Variants in KCNJ3 observed in about 807,000 individuals in gnomAD.
The protein encoded by KCNJ3 is potassium inwardly rectifying channel subfamily J member 3.
A neutral mutation model predicts 39.2 loss-of-function variants in KCNJ3; 4 were observed. The ratio of observed to expected loss-of-function variants is 0.10; its 90% CI spans 0.05 to 0.23. The LOEUF is 0.23. KCNJ3 is among the 10% of genes least tolerant of loss of function. KCNJ3 has a pLI of 1.00. For synonymous variants in KCNJ3, 230 were observed against 237.4 expected, an observed-to-expected ratio of 0.97 and a Z score of 0.29; for missense variants, 276 against 634.9, an observed-to-expected ratio of 0.43 and a Z score of 6.08.
At chr2:154,788,915 G>T (rs1172925530) in intron 2 of KCNJ3, among the ~76,000 whole-genome samples, 1 of 152,042 alleles carries the variant, frequency 6.6e-6, no homozygotes, top group Non-Finnish European at 1.5e-5. Context: ...ATTTGCCTCA[G>T]TGTGACTATG....
rs186066420 is a variant in KCNJ3, at chr2:154,796,143, G to A, written c.920-58584G>A. 3.5e-3 allele frequency among the ~76,000 whole-genome samples: 525 copies of A among 152,152 alleles called. 2 individuals carry two copies. Among genetic ancestry groups the A allele is most frequent in the Middle Eastern group, 6.8e-3 (2 of 294 alleles). On this transcript the variant is annotated intron_variant, in intron 2 of 2. Transcript: ENST00000295101. ...AGGTTGGGATGCAGTGCTAAATTCC[G>A]TAATCGTGTGAGGTTATCTGAGGAA...
chr2:154,841,688 A>AT (rs200828082), intron 2 of KCNJ3, among the ~76,000 whole-genome samples: 25 of 150,092 alleles, frequency 1.7e-4, no homozygotes, highest in Middle Eastern at 3.5e-3. Context: ...GAATTTATCC[A>AT]TTTTTTTTTC....
chr2:154,755,376 G>A (rs1685919803), intron 2 of KCNJ3, among the ~76,000 whole-genome samples: 1 of 151,352 alleles, frequency 6.6e-6, no homozygotes, highest in Non-Finnish European at 1.5e-5. Context: ...TTTTCATTTG[G>A]ATAAGTTTTG....
At chr2:154,753,658 G>A (rs917199533) in intron 2 of KCNJ3, among the ~76,000 whole-genome samples, 4 of 152,080 alleles carry the variant, frequency 2.6e-5, no homozygotes, top group Non-Finnish European at 5.9e-5. Flanking sequence ...TGACAACTCT[G>A]AAAGAATGGA....
chr2:154,724,491 C>G (rs1167341233), intron 2 of KCNJ3, among the ~76,000 whole-genome samples: 1 of 151,984 alleles, frequency 6.6e-6, no homozygotes, highest in Non-Finnish European at 1.5e-5. Context: ...CGAGAATTTT[C>G]TTTTGATGTG....
At chr2:154,777,253 G>A (rs2105200476) in intron 2 of KCNJ3, among the ~76,000 whole-genome samples, 1 of 152,268 alleles carries the variant, frequency 6.6e-6, no homozygotes, top group South Asian at 2.1e-4. Context: ...TTATTTTCCT[G>A]TGACTACAGT....
chr2:154,849,034 A>C (rs868456287), intron 2 of KCNJ3, among the ~76,000 whole-genome samples: 3 of 152,266 alleles, frequency 2.0e-5, no homozygotes, highest in Middle Eastern at 3.4e-3. Context: ...TTGCCTACAC[A>C]GTACTACTTG....
intron 2 of KCNJ3, among the ~76,000 whole-genome samples, chr2:154,737,030 A>G (rs1685560590): frequency 6.6e-6 from 1 of 152,184 alleles, no homozygotes; most frequent in African/African-American, 2.4e-5. Flanking sequence ...AACTCTGGAC[A>G]TCTACAAAGA....
At chr2:154,849,774 T>C (rs1309196409) in intron 2 of KCNJ3, among the ~76,000 whole-genome samples, 6 of 152,188 alleles carry the variant, frequency 3.9e-5, no homozygotes, top group African/African-American at 1.4e-4. Context: ...TCATTTTCAC[T>C]TTAAAACCTT....
intron 2 of KCNJ3, among the ~76,000 whole-genome samples, chr2:154,760,348 A>T (rs768921704): frequency 2.6e-5 from 4 of 152,082 alleles, no homozygotes; most frequent in Non-Finnish European, 4.4e-5. Context: ...CTTTTATGAG[A>T]TATGTGTGTT....
intron 2 of KCNJ3, among the ~76,000 whole-genome samples, chr2:154,850,481 C>T (rs979416027): frequency 6.6e-6 from 1 of 152,030 alleles, no homozygotes; most frequent in Admixed American, 6.6e-5. Context: ...AAAAGAAGTA[C>T]TCTCTCAATT....
In KCNJ3 at chr2:154,790,527, C is replaced by T. The variant is rs553282717; in HGVS notation, c.920-64200C>T. ...GGGTATGTTGATAGGATGATAGATA[C>T]ACTAATGCTTAGCTACGTTGCATGT... On this transcript the variant is annotated intron_variant, in intron 2 of 2. Transcript: ENST00000295101. Among the ~76,000 whole-genome samples the T allele has an allele frequency of 1.3e-3, 192 of 152,220 alleles. 1 individual carries two copies. Among genetic ancestry groups the T allele is most frequent in the African/African-American group, 4.5e-3 (185 of 41,558 alleles).
intron 2 of KCNJ3, among the ~76,000 whole-genome samples, chr2:154,806,830 A>T (rs955982741): frequency 6.6e-6 from 1 of 152,176 alleles, no homozygotes; most frequent in Non-Finnish European, 1.5e-5. Flanking sequence ...TACCTTAAAA[A>T]GACACGTAAC....
intron 2 of KCNJ3, among the ~76,000 whole-genome samples, chr2:154,747,487 C>A (rs958958996): frequency 6.6e-6 from 1 of 151,376 alleles, no homozygotes; most frequent in East Asian, 1.9e-4. Context: ...TAGTGTGGAC[C>A]CATTAAGGAA....
At position 154,847,708 on chromosome 2, in the gene KCNJ3, T is replaced by C. The variant is rs80317868; in HGVS notation, c.920-7019T>C. Among the ~76,000 whole-genome samples, 37 of 152,328 alleles carry C rather than the reference T, an allele frequency of 2.4e-4. No homozygotes were observed. In the East Asian group the frequency reaches 6.6e-3, roughly 27 times the overall value. ...GTGCATGTAGTTTACATATGTCACT[T>C]AATTTCATTTAATTCTCACAATCTT... On this transcript the variant is annotated intron_variant, in intron 2 of 2. Transcript: ENST00000295101.
chr2:154,781,025 C>G lies in KCNJ3; in HGVS notation c.919+71206C>G, dbSNP rs114701470. 4.4e-3 allele frequency among the ~76,000 whole-genome samples: 675 copies of G among 152,208 alleles called. 7 individuals are homozygous for G. The highest frequency in any genetic ancestry group is 0.015 in the African/African-American group (642 of 41,534). On this transcript the variant is annotated intron_variant, in intron 2 of 2. Transcript: ENST00000295101. ...GGCTTTCACTGTAATCGCAGTTGGT[C>G]CTTAAATGAGGACGAGAAAGGCAAG...
At chr2:154,821,635 A>ATTTTTTTTTTTTTT (rs71422263) in intron 2 of KCNJ3, among the ~76,000 whole-genome samples, 4 of 88,080 alleles carry the variant, frequency 4.5e-5, no homozygotes, top group Non-Finnish European at 6.2e-5. Context: ...AGAATATGTG[A>ATTTTTTTTTTTTTT]TTTTTTTTTT....
chr2:154,726,835 A>ACACACACACC (rs1553455093), intron 2 of KCNJ3, among the ~76,000 whole-genome samples: 46 of 98,254 alleles, frequency 4.7e-4, no homozygotes, highest in Middle Eastern at 5.2e-3. Context: ...ACACACACAC[A>ACACACACACC]TACACCATGG....
intron 2 of KCNJ3, among the ~76,000 whole-genome samples, chr2:154,830,891 CAAG>C (rs1342779418): frequency 1.3e-5 from 2 of 152,128 alleles, no homozygotes; most frequent in African/African-American, 4.8e-5. Context: ...TCCTTTCTTA[CAAG>C]AAGTACAAGT....
Sources: gnomAD v4.1 joint callset for allele counts (sites outside exome capture counted in the v4.1 genomes callset) on GRCh38, gnomAD v4.1.1 for gene constraint, MANE v1.5 for transcripts, NCBI Gene and HGNC (gene_info 2026-07-23, HGNC 2026-07-21) for gene names.